CENPE: variants seen among roughly 807,000 people sequenced by gnomAD.
CENPE encodes the protein centromere protein E, also known as centromere-associated protein E.
Under a neutral mutation model 336.1 loss-of-function variants are expected in CENPE, and 145 were observed. That is an observed-to-expected ratio of 0.43 (90% CI 0.38 to 0.50). The LOEUF is 0.50. CENPE is among the 20% of genes least tolerant of loss of function. The probability of loss-of-function intolerance (pLI) is 0.00; values close to 1 mark genes in which losing one functional copy is unlikely to be tolerated. For missense variants in CENPE, 2,719 were observed against 3,023.3 expected, an observed-to-expected ratio of 0.90 and a Z score of 2.36; for synonymous variants, 1,013 against 984.8, an observed-to-expected ratio of 1.03 and a Z score of -0.54.
In CENPE at chr4:103,158,698, T is replaced by C; in HGVS notation, c.2790A>G (p.Glu930=). 1 of 1,612,866 alleles carries C rather than the reference T, an allele frequency of 6.2e-7. No homozygotes were observed. Among genetic ancestry groups the C allele is most frequent in the African/African-American group, 1.3e-5 (1 of 74,946 alleles). The change falls in exon 23 of 49, where the codon GAA becomes GAG. Residue 930 remains glutamate (E), a synonymous_variant. Transcript: ENST00000265148. ...CTTGGAGTTGTTTTAGATCATCTTTTTCTTGAGTTAAAGTTTTTACTTCTT... is the reference window on the plus strand; with the variant it reads ...CTTGGAGTTGTTTTAGATCATCTTTCTCTTGAGTTAAAGTTTTTACTTCTT... ...TLEEVKTLTQ[E]KDDLKQLQES... is the part of the protein sequence containing the mutation.
intron 24 of CENPE, among the ~76,000 whole-genome samples, chr4:103,155,449 T>C (rs1424630483): frequency 6.6e-6 from 1 of 152,096 alleles, no homozygotes; most frequent in Admixed American, 6.6e-5. Flanking sequence ...TGGCTGAGAC[T>C]ACAGGTGCAT....
At chr4:103,141,127 A>C (rs774154565) in intron 35 of CENPE, 23 bp from the exon 36 acceptor site, 15 of 1,397,860 alleles carry the variant, frequency 1.1e-5, no homozygotes, top group Non-Finnish European at 1.5e-5. Flanking sequence ...ATAAAATAAT[A>C]TGTTAGGTGG....
chr4:103,119,288 C>A (rs944703182), intron 44 of CENPE, among the ~76,000 whole-genome samples: 1 of 151,946 alleles, frequency 6.6e-6, no homozygotes, highest in Admixed American at 6.6e-5. Flanking sequence ...TTTTCATTGG[C>A]CTCTAGAACA....
At chr4:103,183,362 T>TA (rs1161023515) in intron 9 of CENPE, 74 bp from the exon 10 acceptor site, 2 of 1,210,638 alleles carry the variant, frequency 1.7e-6, no homozygotes, top group Non-Finnish European at 2.4e-6. Flanking sequence ...ATCACTAAGT[T>TA]AATGAGAGAA....
Position 103,151,375 on chromosome 4 carries a change from G to T in CENPE, c.3240C>A (p.Thr1080=). The change falls in exon 26 of 49, where the codon ACC becomes ACA. Residue 1080 remains threonine (T), a splice_region_variant and synonymous_variant. Coordinates refer to ENST00000265148, the MANE Select transcript of CENPE (RefSeq NM_001813.3). The part of the protein sequence containing the change: ...KTDLKENIEM[T]IENQEELRLL... Reference sequence around the variant, plus strand: ...GTCTTAATTCTTCCTGGTTTTCAATGGTCTAGAAAGAAAAAAAAAGTTGAG... The same window carrying T: ...GTCTTAATTCTTCCTGGTTTTCAATTGTCTAGAAAGAAAAAAAAAGTTGAG... 6.4e-7 allele frequency: 1 copy of T among 1,552,440 alleles called. No homozygotes were observed. Among genetic ancestry groups the T allele is most frequent in the Non-Finnish European group, 8.6e-7 (1 of 1,160,066 alleles).
intron 21 of CENPE, 130 bp downstream of exon 21, chr4:103,160,495 C>T: frequency 1.6e-6 from 1 of 626,924 alleles, no homozygotes; most frequent in Non-Finnish European, 2.6e-6. Flanking sequence ...CTATTTCTAA[C>T]TAGTCAAAAC....
chr4:103,113,213 T>C (rs989558263), intron 46 of CENPE, among the ~76,000 whole-genome samples: 6 of 138,738 alleles, frequency 4.3e-5, no homozygotes, highest in Non-Finnish European at 7.7e-5. Context: ...AGTGTATATA[T>C]ATACTTTTAA....
In CENPE at chr4:103,183,186, A is replaced by G. The variant is rs1456572582; in HGVS notation, c.833+15T>C. 2 of 1,590,226 alleles carry G rather than the reference A, an allele frequency of 1.3e-6. No individual in the cohort carries two copies. The highest frequency in any genetic ancestry group is 1.7e-4 in the Middle Eastern group (1 of 5,986). On this transcript the variant is annotated intron_variant, in intron 10 of 48. Coordinates refer to ENST00000265148, the MANE Select transcript of CENPE (RefSeq NM_001813.3). ...ATAAGAATCAGTAGGTAAGTGCACAACGGGATAAACTTACCCAACTTGTCC... is the reference window on the plus strand; with the variant it reads ...ATAAGAATCAGTAGGTAAGTGCACAGCGGGATAAACTTACCCAACTTGTCC...
rs191402905 is a variant in CENPE, at chr4:103,181,400, A to G, written c.1020T>C (p.Thr340=). The change falls in exon 12 of 49, where the codon ACT becomes ACC. Residue 340 remains threonine (T), a synonymous_variant. Transcript: ENST00000265148. ...KNTPYVNEVS[T]DEALLKRYRK... is the part of the protein sequence containing the mutation. The stretch of plus-strand genomic sequence containing the variant: ...TATACCTTTTCAGGAGAGCTTCATC[A>G]GTTGATACCTCATTAACATAAGGAG... 5.3e-5 allele frequency: 83 copies of G among 1,568,482 alleles called. No homozygotes were observed. In the East Asian group the frequency reaches 1.8e-3, roughly 34 times the overall value.
Position 103,149,411 on chromosome 4 carries a change from T to A in CENPE, c.3397-3A>T. On this transcript the variant is annotated splice_region_variant and splice_polypyrimidine_tract_variant and intron_variant, in intron 26 of 48. Coordinates refer to ENST00000265148, the MANE Select transcript of CENPE (RefSeq NM_001813.3). Reference sequence around the variant, plus strand: ...TGTTTTTCTTGGAGTTGCTGGCTCTTAAAATGCACAATTTTTATAATTACC... The same window carrying A: ...TGTTTTTCTTGGAGTTGCTGGCTCTAAAAATGCACAATTTTTATAATTACC... 2 of 1,551,370 alleles carry A rather than the reference T, an allele frequency of 1.3e-6. No individual in the cohort carries two copies. The highest frequency in any genetic ancestry group is 1.7e-6 in the Non-Finnish European group (2 of 1,158,964).
intron 26 of CENPE, among the ~76,000 whole-genome samples, chr4:103,150,328 T>C (rs1168534175): frequency 1.3e-5 from 2 of 152,158 alleles, no homozygotes; most frequent in Admixed American, 1.3e-4. Flanking sequence ...ACACCTGTAA[T>C]CCTAGCACTT....
intron 2 of CENPE, 75 bp downstream of exon 2, chr4:103,196,684 T>C (rs1560689695): frequency 1.4e-6 from 1 of 718,608 alleles, no homozygotes; most frequent in Non-Finnish European, 2.4e-6. Context: ...ACAAATCTAA[T>C]ATTATTGATA....
Position 103,183,195 on chromosome 4 carries a change from A to G in CENPE, c.833+6T>C. ...AGTAGGTAAGTGCACAACGGGATAA[A>G]CTTACCCAACTTGTCCATCACTAAG... is the stretch of plus-strand genomic sequence containing the variant. On this transcript the variant is annotated splice_donor_region_variant and intron_variant, in intron 10 of 48. Transcript: ENST00000265148. 5 of 1,608,236 alleles carry G rather than the reference A, an allele frequency of 3.1e-6. No individual in the cohort carries two copies. The highest frequency in any genetic ancestry group is 4.3e-6 in the Non-Finnish European group (5 of 1,175,554).
chr4:103,164,486 T>C (rs1020588973), intron 16 of CENPE, among the ~76,000 whole-genome samples: 3 of 152,094 alleles, frequency 2.0e-5, no homozygotes, highest in Non-Finnish European at 2.9e-5. Context: ...ATTACTATTT[T>C]AGGTCAGTGC....
chr4:103,123,447 T>C lies in CENPE; in HGVS notation c.6925-358A>G, dbSNP rs1038461322. Among the ~76,000 whole-genome samples the C allele has an allele frequency of 4.6e-5, 7 of 151,954 alleles. No homozygotes were observed. In the South Asian group the frequency reaches 1.2e-3, roughly 27 times the overall value. ...TAATAATGGCCCCAAAGCACAAGAG[T>C]AGTAATGCTGGCAATTTAGATATGC... On this transcript the variant is annotated intron_variant, in intron 42 of 48. Transcript: ENST00000265148.
At chr4:103,193,683 TATA>T (rs1757530573) in intron 8 of CENPE, among the ~76,000 whole-genome samples, 1 of 152,144 alleles carries the variant, frequency 6.6e-6, no homozygotes, top group African/African-American at 2.4e-5. Flanking sequence ...ATAAAATAGG[TATA>T]ATGTGTTGGG....
Position 103,181,426 on chromosome 4 carries a change from T to A in CENPE, c.994A>T (p.Thr332Ser). Residue 332 changes from threonine to serine, a missense_variant, in exon 12 of 49, where the codon ACT becomes TCT. Physicochemically the swap from Thr to Ser is moderately conservative, Grantham distance 58. Around this residue, in one of 5 missense-constraint regions of CENPE, gnomAD observed 117 missense variants for 215.8 expected, o/e 0.54. Coordinates refer to ENST00000265148, the MANE Select transcript of CENPE (RefSeq NM_001813.3). ...GTTGATACCTCATTAACATAAGGAG[T>A]ATTCTTCATATATTTAGCAGTACTG... ...FASTAKYMKN[T>S]PYVNEVSTDE... The A allele has an allele frequency of 6.4e-7, 1 of 1,572,048 alleles. No homozygotes were observed. The highest frequency in any genetic ancestry group is 2.4e-5 in the East Asian group (1 of 42,066).
At position 103,133,776 on chromosome 4, in the gene CENPE, C is replaced by T. The variant is rs1317177030; in HGVS notation, c.6639G>A (p.Gln2213=). Residue 2213 remains glutamine, a synonymous_variant, in exon 41 of 49, where the codon CAG becomes CAA. Coordinates refer to ENST00000265148, the MANE Select transcript of CENPE (RefSeq NM_001813.3). ...GTACATCACAATCTTGTTGAAGGTG[C>T]TGTATTTTAATTAGCAATTCCTTTT... ...EKQKELLIKI[Q]HLQQDCDVPS... The T allele has an allele frequency of 6.2e-7, 1 of 1,610,886 alleles. No homozygotes were observed. The highest frequency in any genetic ancestry group is 8.5e-7 in the Non-Finnish European group (1 of 1,177,766).
intron 9 of CENPE, 147 bp from the exon 10 acceptor site, chr4:103,183,435 T>C: frequency 3.5e-6 from 2 of 569,714 alleles, no homozygotes; most frequent in Non-Finnish European, 6.1e-6. Flanking sequence ...TTAATATCAG[T>C]GGTAGAAAGA....
Sources: gnomAD v4.1 joint callset for allele counts (sites outside exome capture counted in the v4.1 genomes callset) on GRCh38, gnomAD v4.1.1 for gene constraint, gnomAD v4.1.1 regional missense constraint, MANE v1.5 for transcripts, NCBI Gene and HGNC (gene_info 2026-07-23, HGNC 2026-07-21) for gene names.